SPDYE10: variants seen among roughly 807,000 people sequenced by gnomAD.
SPDYE10 encodes speedy/RINGO cell cycle regulator family member E10, also known as speedy protein E10.
chr7:73,129,786 G>A, the SPDYE10 span, among the ~76,000 whole-genome samples: 2 of 151,596 alleles, frequency 1.3e-5, no homozygotes. Context: ...AGGTAGAGGT[G>A]GTCAAGGTTC....
At chr7:73,125,369 G>A in the SPDYE10 span, among the ~76,000 whole-genome samples, 1 of 142,080 alleles carries the variant, frequency 7.0e-6, no homozygotes, top group Non-Finnish European at 1.5e-5. Context: ...AGAGCCTTCT[G>A]GTGGCTTCCA....
At chr7:73,123,664 G>T in the SPDYE10 span, among the ~76,000 whole-genome samples, 2 of 152,200 alleles carry the variant, frequency 1.3e-5, no homozygotes, top group East Asian at 3.9e-4. Context: ...CCCCATGTTG[G>T]CCAGGCTGGT....
At chr7:73,126,506 C>CAAAAAAAA in the SPDYE10 span, among the ~76,000 whole-genome samples, 1 of 47,902 alleles carries the variant, frequency 2.1e-5, no homozygotes, top group Non-Finnish European at 3.7e-5. Flanking sequence ...GACTCCATCT[C>CAAAAAAAA]AAAAAAAAAA....
the SPDYE10 span, among the ~76,000 whole-genome samples, chr7:73,130,271 T>C: frequency 6.6e-6 from 1 of 151,208 alleles, no homozygotes; most frequent in Non-Finnish European, 1.5e-5. Flanking sequence ...CTGGGCAACA[T>C]GTTGAAACCC....
At chr7:73,131,121 C>A in the SPDYE10 span, among the ~76,000 whole-genome samples, 1 of 119,386 alleles carries the variant, frequency 8.4e-6, no homozygotes, top group Non-Finnish European at 1.7e-5. Context: ...ATCACTTGAA[C>A]CCAGGAGTTA....
At chr7:73,113,968 G>C in the SPDYE10 span, among the ~76,000 whole-genome samples, 2 of 150,814 alleles carry the variant, frequency 1.3e-5, no homozygotes, top group Non-Finnish European at 2.9e-5. Context: ...GGCACTTGCA[G>C]TGAGCCAAGA....
the SPDYE10 span, among the ~76,000 whole-genome samples, chr7:73,123,788 C>CCTCTCTCCCTCTCTCTCTCT: frequency 7.2e-5 from 7 of 97,456 alleles, no homozygotes; most frequent in African/African-American, 3.0e-4. Context: ...TCTCTCTCTC[C>CCTCTCTCCCTCTCTCTCTCT]CTCTCTCTCT....
At chr7:73,154,500 C>T in the SPDYE10 span, among the ~76,000 whole-genome samples, 25 of 146,232 alleles carry the variant, frequency 1.7e-4, no homozygotes, top group Non-Finnish European at 2.1e-4. Flanking sequence ...CAATCCCCTC[C>T]CTCCGGGTCC....
the SPDYE10 span, among the ~76,000 whole-genome samples, chr7:73,141,070 C>CCACACACACACACA: frequency 2.2e-5 from 3 of 136,028 alleles, no homozygotes; most frequent in Admixed American, 1.4e-4. Context: ...TCCATTTCTA[C>CCACACACACACACA]CACACACACA....
chr7:73,130,241 C>T, the SPDYE10 span, among the ~76,000 whole-genome samples: 6 of 150,730 alleles, frequency 4.0e-5, no homozygotes, highest in African/African-American at 1.5e-4. Context: ...ATTGCTTGAG[C>T]CCAAGAGTTC....
chr7:73,104,632 T>G, the SPDYE10 span: 1 of 136,038 alleles, frequency 7.4e-6, no homozygotes, highest in Admixed American at 7.6e-5. Flanking sequence ...CGTGTTAGTA[T>G]ATATATCTGA....
chr7:73,137,890 A>G, the SPDYE10 span, among the ~76,000 whole-genome samples: 91 of 70,154 alleles, frequency 1.3e-3, no homozygotes, highest in Middle Eastern at 8.8e-3. Context: ...GAGGGGAAGG[A>G]GAGGGGAAGG....
At chr7:73,123,788 CCTCTCTCTCTCTCTCTCT>C in the SPDYE10 span, among the ~76,000 whole-genome samples, 1 of 97,454 alleles carries the variant, frequency 1.0e-5, no homozygotes, top group South Asian at 3.1e-4. Flanking sequence ...TCTCTCTCTC[CCTCTCTCTCTCTCTCTCT>C]CTCTCTCTCT....
the SPDYE10 span, chr7:73,155,372 G>A: frequency 3.2e-6 from 1 of 310,994 alleles, no homozygotes. Context: ...GGCGCCGGCC[G>A]GGGACAGACA....
At chr7:73,152,273 A>C in the SPDYE10 span, among the ~76,000 whole-genome samples, 461 of 136,654 alleles carry the variant, frequency 3.4e-3, 2 homozygotes, top group African/African-American at 0.013. Context: ...TTGGCTTCCC[A>C]AAATGCTGGG....
the SPDYE10 span, among the ~76,000 whole-genome samples, chr7:73,116,910 T>A: frequency 6.6e-6 from 1 of 151,716 alleles, no homozygotes; most frequent in Non-Finnish European, 1.5e-5. Flanking sequence ...TTTTTTTTTT[T>A]TTTGAGACAG....
the SPDYE10 span, among the ~76,000 whole-genome samples, chr7:73,149,348 C>T: frequency 5.9e-5 from 8 of 135,710 alleles, no homozygotes; most frequent in East Asian, 6.2e-4. Flanking sequence ...AGTGCAGTGG[C>T]GCAATCTCAG....
the SPDYE10 span, among the ~76,000 whole-genome samples, chr7:73,152,365 C>T: frequency 7.0e-6 from 1 of 143,370 alleles, no homozygotes; most frequent in African/African-American, 2.7e-5. Flanking sequence ...GGCAGACTTC[C>T]CTTCACCTGT....
the SPDYE10 span, among the ~76,000 whole-genome samples, chr7:73,142,908 G>A: frequency 1.4e-5 from 2 of 146,938 alleles, no homozygotes; most frequent in Admixed American, 1.4e-4. Flanking sequence ...ACTCCAGCCT[G>A]GGCAACAGAG....
Sources: allele counts gnomAD v4.1 joint callset (sites outside exome capture counted in the v4.1 genomes callset), GRCh38; gene constraint gnomAD v4.1.1; transcripts MANE v1.5; gene names NCBI Gene and HGNC (gene_info 2026-07-23, HGNC 2026-07-21).